The following SEPSECS variants were observed in gnomAD, a reference collection of about 807,000 sequenced individuals.
The protein encoded by SEPSECS is O-phosphoseryl-tRNA(Sec) selenium transferase.
SEPSECS carries 42 observed loss-of-function variants against 52.1 expected under a neutral mutation model. The ratio of observed to expected loss-of-function variants is 0.81; its 90% confidence interval spans 0.63 to 1.04. The LOEUF is 1.04. Among genes scored for constraint, SEPSECS ranks in the 50% least tolerant of loss-of-function variants. The probability of loss-of-function intolerance (pLI) is 0.00; values close to 1 mark genes in which losing one functional copy is unlikely to be tolerated. For missense variants in SEPSECS, 590 were observed against 610.6 expected, an observed-to-expected ratio of 0.97 and a Z score of 0.36; for synonymous variants, 216 against 211.4, an observed-to-expected ratio of 1.02 and a Z score of -0.19.
At position 25,157,693 on chromosome 4, in the gene SEPSECS, C is replaced by G. The variant is rs371770894; in HGVS notation, c.270-719G>C. The stretch of plus-strand genomic sequence containing the variant: ...CCGTGTAGCTGGGACTACAGGCGCC[C>G]GCCACCACGCCCGGCTAATTTTTTT... On this transcript the variant is annotated intron_variant, in intron 2 of 10. Transcript: ENST00000382103. Among the ~76,000 whole-genome samples the G allele has an allele frequency of 3.6e-4, 55 of 152,064 alleles. No individual in the cohort carries two copies. The East Asian group carries it at 9.1e-3, about 25-fold the overall frequency.
intron 8 of SEPSECS, among the ~76,000 whole-genome samples, chr4:25,129,801 G>A (rs985359957): frequency 1.3e-5 from 2 of 152,092 alleles, no homozygotes; most frequent in Admixed American, 1.3e-4. Context: ...TAACACACCA[G>A]GGTTAATAAA....
intron 8 of SEPSECS, among the ~76,000 whole-genome samples, chr4:25,141,691 T>G (rs1258204800): frequency 6.6e-6 from 1 of 152,192 alleles, no homozygotes; most frequent in Non-Finnish European, 1.5e-5. Context: ...GCCTGTCAGA[T>G]CATTCTACTC....
rs780667644 is a variant in SEPSECS, at chr4:25,159,877, TAC to T, written c.114+377_114+378del. On this transcript the variant is annotated intron_variant, in intron 1 of 10. Transcript: ENST00000382103. ...GGAAAGCTCGTGGTTCGAGTTAGCATACAGTCTACAAACACCATTATGTGTTC... is the reference window on the plus strand; with the variant it reads ...GGAAAGCTCGTGGTTCGAGTTAGCATAGTCTACAAACACCATTATGTGTTC... The T allele has an allele frequency of 9.9e-6, 11 of 1,116,644 alleles. No homozygotes were observed. In the South Asian group the frequency reaches 2.2e-4, roughly 22 times the overall value. The allele number at this position is 1,116,644 out of a possible 1,614,324, so 69.2% of individuals were successfully genotyped here.
At chr4:25,142,645 T>G (rs1350192740) in intron 8 of SEPSECS, among the ~76,000 whole-genome samples, 1 of 152,202 alleles carries the variant, frequency 6.6e-6, no homozygotes, top group African/African-American at 2.4e-5. Context: ...CTATTTTAAG[T>G]GGGCTTATTC....
chr4:25,152,787 G>A (rs1176015426), intron 5 of SEPSECS, among the ~76,000 whole-genome samples: 1 of 151,898 alleles, frequency 6.6e-6, no homozygotes, highest in Admixed American at 6.6e-5. Context: ...AATACTTCTT[G>A]TGACTGAGCT....
At chr4:25,129,770 GAAC>G (rs1240520235) in intron 8 of SEPSECS, among the ~76,000 whole-genome samples, 1 of 152,078 alleles carries the variant, frequency 6.6e-6, no homozygotes, top group Non-Finnish European at 1.5e-5. Context: ...CCAGCAATTA[GAAC>G]AACTCATAAT....
intron 8 of SEPSECS, among the ~76,000 whole-genome samples, chr4:25,140,774 G>T (rs1170762744): frequency 6.6e-6 from 1 of 151,984 alleles, no homozygotes; most frequent in African/African-American, 2.4e-5. Flanking sequence ...TCTAACCAAT[G>T]GTCAAATCTT....
At chr4:25,138,553 G>GA (rs919110266) in intron 8 of SEPSECS, among the ~76,000 whole-genome samples, 24 of 147,820 alleles carry the variant, frequency 1.6e-4, no homozygotes, top group South Asian at 6.3e-4. Flanking sequence ...TAAGAAAAAA[G>GA]AAAAAAAAAT....
intron 8 of SEPSECS, among the ~76,000 whole-genome samples, chr4:25,135,122 T>C (rs180743234): frequency 1.1e-3 from 164 of 152,022 alleles, no homozygotes; most frequent in African/African-American, 3.7e-3. Flanking sequence ...AGATCCCAAA[T>C]TGACATTCTA....
At chr4:25,139,706 C>T (rs758809633) in intron 8 of SEPSECS, among the ~76,000 whole-genome samples, 169 of 151,918 alleles carry the variant, frequency 1.1e-3, no homozygotes, top group Non-Finnish European at 1.1e-3. Context: ...TAGAGTAGAC[C>T]AAGGTGGGGG....
chr4:25,136,545 C>T (rs1728850026), intron 8 of SEPSECS, among the ~76,000 whole-genome samples: 1 of 152,082 alleles, frequency 6.6e-6, no homozygotes, highest in African/African-American at 2.4e-5. Flanking sequence ...CTACAAACCA[C>T]TGCTCAAGGA....
chr4:25,147,880 T>C (rs1434375552), intron 6 of SEPSECS, among the ~76,000 whole-genome samples: 2 of 152,226 alleles, frequency 1.3e-5, no homozygotes, highest in African/African-American at 2.4e-5. Context: ...ATTAGTATTT[T>C]AGTACTTTGT....
At chr4:25,140,917 T>C (rs1017539699) in intron 8 of SEPSECS, among the ~76,000 whole-genome samples, 13 of 60,432 alleles carry the variant, frequency 2.2e-4, no homozygotes, top group African/African-American at 7.9e-4. Context: ...TGAAAATATT[T>C]GAAAAAAAAA....
At chr4:25,160,015 G>C (rs1436415627) in intron 1 of SEPSECS, 1 of 985,242 alleles carries the variant, frequency 1.0e-6, no homozygotes, top group Non-Finnish European at 1.2e-6. Flanking sequence ...TAGAAACAGC[G>C]GGACTCAAAA....
At chr4:25,159,834 A>G in intron 1 of SEPSECS, 5 of 1,088,538 alleles carry the variant, frequency 4.6e-6, no homozygotes, top group Non-Finnish European at 5.6e-6. Context: ...GGCAGGAGGG[A>G]GACCTGTGAA....
At position 25,139,384 on chromosome 4, in the gene SEPSECS, C is replaced by CTTTTTTT. The variant is rs5856888; in HGVS notation, c.1026+5383_1026+5389dup. ...CAAAACAACTTGAAGAAAGTTGTGT[C>CTTTTTTT]TTTTTTTTTTTTTTTTTTTTTGAGA... On this transcript the variant is annotated intron_variant, in intron 8 of 10. Coordinates refer to ENST00000382103, the MANE Select transcript of SEPSECS (RefSeq NM_016955.4). Among the ~76,000 whole-genome samples the CTTTTTTT allele has an allele frequency of 2.1e-4, 23 of 108,818 alleles. 2 individuals are homozygous for CTTTTTTT. The highest frequency in any genetic ancestry group is 6.1e-4 in the East Asian group (2 of 3,292). The allele number at this position is 108,818 out of a possible 152,430, so 71.4% of individuals were successfully genotyped here.
chr4:25,138,787 G>C (rs1160028499), intron 8 of SEPSECS, among the ~76,000 whole-genome samples: 2 of 152,146 alleles, frequency 1.3e-5, no homozygotes, highest in African/African-American at 4.8e-5. Context: ...TATCAAACAT[G>C]AATCTGCACC....
chr4:25,153,486 A>G (rs1304256661), intron 5 of SEPSECS, among the ~76,000 whole-genome samples: 1 of 151,910 alleles, frequency 6.6e-6, no homozygotes, highest in Non-Finnish European at 1.5e-5. Flanking sequence ...AATATTTTTC[A>G]TATGTATCAA....
chr4:25,151,914 A>C (rs1221119591), intron 6 of SEPSECS, 46 bp downstream of exon 6: 1 of 1,017,568 alleles, frequency 9.8e-7, no homozygotes, highest in South Asian at 1.3e-5. Context: ...ATAATATGTT[A>C]AAATGAATTT....
Sources: gnomAD v4.1 joint callset for allele counts (sites outside exome capture counted in the v4.1 genomes callset) on GRCh38, gnomAD v4.1.1 for gene constraint, MANE v1.5 for transcripts, NCBI Gene and HGNC (gene_info 2026-07-23, HGNC 2026-07-21) for gene names.